The following ARID1B variants were observed in gnomAD, a reference collection of about 807,000 sequenced individuals.
ARID1B encodes AT-rich interactive domain-containing protein 1B.
A neutral mutation model predicts 212.3 loss-of-function variants in ARID1B; 30 were observed. The observed-to-expected ratio is 0.14, with a 90% CI of 0.11 to 0.19. The LOEUF (loss-of-function observed/expected upper bound fraction) is 0.19. Among genes scored for constraint, ARID1B ranks in the 10% least tolerant of loss-of-function variants. The pLI is 1.00. For missense variants in ARID1B, 2,891 were observed against 3,204.0 expected, an observed-to-expected ratio of 0.90 and a Z score of 2.36; for synonymous variants, 1,402 against 1,301.7, an observed-to-expected ratio of 1.08 and a Z score of -1.66.
At chr6:156,805,571 G>T (rs913619954) in intron 1 of ARID1B, among the ~76,000 whole-genome samples, 1 of 152,032 alleles carries the variant, frequency 6.6e-6, no homozygotes, top group Admixed American at 6.6e-5. Flanking sequence ...TGCTCTCAGA[G>T]GGCCTACAAG....
At chr6:157,055,894 C>T (rs1256586016) in intron 4 of ARID1B, among the ~76,000 whole-genome samples, 1 of 152,196 alleles carries the variant, frequency 6.6e-6, no homozygotes, top group Admixed American at 6.5e-5. Context: ...CAGCACCCTT[C>T]TCAGTTTCTG....
chr6:156,855,463 G>T (rs1784850179), intron 2 of ARID1B, among the ~76,000 whole-genome samples: 1 of 152,146 alleles, frequency 6.6e-6, no homozygotes, highest in Admixed American at 6.5e-5. Context: ...CGTCCACTTT[G>T]TGTGTTTCAC....
chr6:156,897,243 C>CTTATTATTATTATTATTA (rs1284725803), intron 2 of ARID1B, among the ~76,000 whole-genome samples: 1 of 103,620 alleles, frequency 9.7e-6, no homozygotes, highest in African/African-American at 3.6e-5. Context: ...TCTTCTTCTT[C>CTTATTATTATTATTATTA]TTCTTCTTCT....
chr6:157,142,487 A>G (rs1035899106), intron 7 of ARID1B, among the ~76,000 whole-genome samples: 6 of 152,084 alleles, frequency 3.9e-5, no homozygotes, highest in African/African-American at 1.4e-4. Flanking sequence ...TTGCCCTAGC[A>G]TGGTAGTACA....
At chr6:156,913,308 C>T (rs528343530) in intron 3 of ARID1B, among the ~76,000 whole-genome samples, 1 of 151,580 alleles carries the variant, frequency 6.6e-6, no homozygotes, top group Admixed American at 6.6e-5. Context: ...CCTCTGCCTC[C>T]CGGGTTCAAG....
At chr6:157,045,464 G>A (rs574264264) in intron 4 of ARID1B, among the ~76,000 whole-genome samples, 5 of 152,056 alleles carry the variant, frequency 3.3e-5, no homozygotes, top group South Asian at 2.1e-4. Flanking sequence ...TCTTCTTAGC[G>A]GGACCTTTTT....
intron 4 of ARID1B, 192 bp downstream of exon 4, chr6:156,935,768 G>GTA: frequency 3.8e-6 from 2 of 525,460 alleles, no homozygotes; most frequent in Non-Finnish European, 6.8e-6. Context: ...TATTTCATGT[G>GTA]TATATATCTC....
chr6:156,803,580 T>G (rs1023820609), intron 1 of ARID1B, among the ~76,000 whole-genome samples: 9 of 152,082 alleles, frequency 5.9e-5, no homozygotes, highest in Non-Finnish European at 1.2e-4. Flanking sequence ...AGTGAATGCT[T>G]TATTTTTGTT....
chr6:156,988,738 G>A (rs956307105), intron 4 of ARID1B, among the ~76,000 whole-genome samples: 3 of 152,124 alleles, frequency 2.0e-5, no homozygotes, highest in South Asian at 4.1e-4. Flanking sequence ...AATCACTTCC[G>A]ACACACTTCA....
chr6:157,122,636 T>C (rs964160179), intron 6 of ARID1B, among the ~76,000 whole-genome samples: 15 of 152,182 alleles, frequency 9.9e-5, no homozygotes, highest in African/African-American at 1.9e-4. Flanking sequence ...CACCATTTCC[T>C]AGGCCAGGGT....
intron 4 of ARID1B, among the ~76,000 whole-genome samples, chr6:156,981,670 T>C (rs1382530179): frequency 1.3e-5 from 2 of 152,232 alleles, no homozygotes; most frequent in Non-Finnish European, 2.9e-5. Context: ...CATCAGGTTT[T>C]GGTTAAGACT....
Position 157,190,021 on chromosome 6 carries a change from T to C in ARID1B, c.4059-17T>C. On this transcript the variant is annotated splice_polypyrimidine_tract_variant and intron_variant, in intron 14 of 19. Coordinates refer to ENST00000636930, the MANE Select transcript of ARID1B (RefSeq NM_001374828.1). This position sits in a 1 kb window ranked among gnomAD's most constrained non-coding sequence, Gnocchi z 4.6. ...TCCTGCTGTATCATTAAGCTTTCAT[T>C]CTTTGCCTCTCTTCAGAAGCAGTAC... The C allele has an allele frequency of 6.2e-7, 1 of 1,612,238 alleles. No individual in the cohort carries two copies. Among genetic ancestry groups the C allele is most frequent in the Non-Finnish European group, 8.5e-7 (1 of 1,179,056 alleles).
chr6:156,996,558 A>G (rs776085382), intron 4 of ARID1B, among the ~76,000 whole-genome samples: 2 of 152,222 alleles, frequency 1.3e-5, no homozygotes, highest in Non-Finnish European at 2.9e-5. Flanking sequence ...TATGGAAACC[A>G]AAAATAAGTA....
chr6:156,812,340 T>G (rs2127988303), intron 1 of ARID1B, among the ~76,000 whole-genome samples: 1 of 152,270 alleles, frequency 6.6e-6, no homozygotes, highest in African/African-American at 2.4e-5. Flanking sequence ...CAGGCTGATT[T>G]CTTTTTTTAA....
chr6:157,167,351 C>A, intron 9 of ARID1B, 166 bp downstream of exon 9: 1 of 678,550 alleles, frequency 1.5e-6, no homozygotes, highest in Non-Finnish European at 2.3e-6. Context: ...CTATTTAAGA[C>A]TTGAGAATTA....
At chr6:157,010,687 C>A (rs1433660696) in intron 4 of ARID1B, among the ~76,000 whole-genome samples, 1 of 151,528 alleles carries the variant, frequency 6.6e-6, no homozygotes, top group African/African-American at 2.4e-5. Flanking sequence ...TCTCATGTAG[C>A]AAGACTTCTT....
chr6:156,916,568 G>A (rs1790374097), intron 3 of ARID1B, among the ~76,000 whole-genome samples: 1 of 152,004 alleles, frequency 6.6e-6, no homozygotes, highest in African/African-American at 2.4e-5. Context: ...TATATAGAAG[G>A]GGAAAGCTCC....
rs1794697670 is a variant in ARID1B, at chr6:157,210,364, A to G, written c.*2473A>G. On this transcript the variant is annotated 3_prime_UTR_variant, in exon 20 of 20. Coordinates refer to ENST00000636930, the MANE Select transcript of ARID1B (RefSeq NM_001374828.1). ...TATACAAACTCCGAACATATCCAGT[A>G]TTCCAATTCCTTTGTCAATCAGAAG... The G allele has an allele frequency of 4.3e-6, 1 of 230,140 alleles. No homozygotes were observed. Among genetic ancestry groups the G allele is most frequent in the African/African-American group, 2.2e-5 (1 of 45,178 alleles). 14.3% of individuals were successfully genotyped at this position (230,140 alleles called of 1,614,324 possible). A position where few individuals can be genotyped will look rare whatever the true frequency, so the allele number is the denominator to read the frequency against.
rs532932310 is a variant in ARID1B, at chr6:157,162,858, AC to A, written c.3090-4176del. Among the ~76,000 whole-genome samples, 17 of 151,488 alleles carry A rather than the reference AC, an allele frequency of 1.1e-4. No homozygotes were observed. The South Asian group carries it at 2.7e-3, about 24-fold the overall frequency. On this transcript the variant is annotated intron_variant, in intron 8 of 19. Coordinates refer to ENST00000636930, the MANE Select transcript of ARID1B (RefSeq NM_001374828.1). ...AATTATTGTAAATGTTTGTCTCCTTACCCCCCTGAGATGTTCCTAGGCAGTC... is the reference window on the plus strand; with the variant it reads ...AATTATTGTAAATGTTTGTCTCCTTACCCCCTGAGATGTTCCTAGGCAGTC...
Sources: allele counts gnomAD v4.1 joint callset (sites outside exome capture counted in the v4.1 genomes callset), GRCh38; gene constraint gnomAD v4.1.1; non-coding constraint Gnocchi (gnomAD v3.1); transcripts MANE v1.5; gene names NCBI Gene and HGNC (gene_info 2026-07-23, HGNC 2026-07-21).